Variants in PDE4B observed in about 807,000 individuals in gnomAD.
PDE4B encodes 3',5'-cyclic-AMP phosphodiesterase 4B.
PDE4B carries 20 observed loss-of-function variants against 82.2 expected under a neutral mutation model. That is an observed-to-expected ratio of 0.24 (90% confidence interval 0.17 to 0.35). PDE4B has a LOEUF of 0.35. Ranked by LOEUF, PDE4B falls within the 10% of genes least tolerant of loss-of-function variation. The probability of loss-of-function intolerance (pLI) is 1.00; values close to 1 mark genes in which losing one functional copy is unlikely to be tolerated. For synonymous variants in PDE4B, 320 were observed against 318.9 expected, an observed-to-expected ratio of 1.00 and a Z score of -0.04; for missense variants, 655 against 907.2, an observed-to-expected ratio of 0.72 and a Z score of 3.57.
intron 1 of PDE4B, among the ~76,000 whole-genome samples, chr1:65,877,590 G>A (rs1285268773): frequency 1.3e-5 from 2 of 151,578 alleles, no homozygotes; most frequent in African/African-American, 4.9e-5. Context: ...ACCCCAGCCT[G>A]GGCGATAGAG....
chr1:66,288,456 T>C (rs1447996109), intron 7 of PDE4B, among the ~76,000 whole-genome samples: 2 of 152,170 alleles, frequency 1.3e-5, no homozygotes, highest in Non-Finnish European at 2.9e-5. Context: ...ATTAAATGAA[T>C]ATTTGTATAG....
At chr1:65,794,311 T>G (rs1251310717) in intron 1 of PDE4B, among the ~76,000 whole-genome samples, 2 of 152,176 alleles carry the variant, frequency 1.3e-5, no homozygotes, top group Non-Finnish European at 2.9e-5. Context: ...AAAGGCACAT[T>G]AAGCATAAAA....
chr1:66,112,732 C>CG (rs1360458983), intron 3 of PDE4B: 1 of 152,160 alleles, frequency 6.6e-6, no homozygotes, highest in African/African-American at 2.4e-5. Context: ...ATTGCCTCAA[C>CG]ACCTTATCAT....
At chr1:65,882,901 A>T (rs1646725272) in intron 1 of PDE4B, among the ~76,000 whole-genome samples, 1 of 152,222 alleles carries the variant, frequency 6.6e-6, no homozygotes, top group African/African-American at 2.4e-5. Flanking sequence ...TTTAAGACAC[A>T]AATGAACTCA....
chr1:66,240,879 G>T (rs116104505), intron 3 of PDE4B, among the ~76,000 whole-genome samples: 2 of 152,148 alleles, frequency 1.3e-5, no homozygotes, highest in Admixed American at 6.5e-5. Context: ...ACTGAGGTGT[G>T]GGGGGCAGGA....
chr1:65,806,774 A>C (rs1054451883), intron 1 of PDE4B, among the ~76,000 whole-genome samples: 1 of 152,150 alleles, frequency 6.6e-6, no homozygotes, highest in Non-Finnish European at 1.5e-5. Flanking sequence ...AGGATGCTCC[A>C]TTATTGTTTC....
intron 3 of PDE4B, among the ~76,000 whole-genome samples, chr1:65,932,384 C>T (rs984642937): frequency 1.3e-5 from 2 of 152,048 alleles, no homozygotes; most frequent in East Asian, 1.9e-4. Flanking sequence ...TTGTACCTAG[C>T]ATACTCTAGA....
rs552520758 is a variant in PDE4B, at chr1:65,960,356, G to A, written c.281+41521G>A. On this transcript the variant is annotated intron_variant, in intron 3 of 16. Transcript: ENST00000341517. ...CTGTCGGTGGTGGATATGGAAGATA[G>A]CATTCTATATTAACTTTTGAGAAAG... 5.3e-4 allele frequency among the ~76,000 whole-genome samples: 81 copies of A among 152,218 alleles called. 1 individual carries two copies. The South Asian group carries it at 0.016, about 31-fold the overall frequency.
At chr1:65,899,809 T>G (rs2100417098) in intron 1 of PDE4B, among the ~76,000 whole-genome samples, 1 of 152,016 alleles carries the variant, frequency 6.6e-6, no homozygotes, top group South Asian at 2.1e-4. Context: ...ACGTTCTCAC[T>G]CATAAGCGGG....
At chr1:66,123,393 T>A (rs1381247699) in intron 3 of PDE4B, among the ~76,000 whole-genome samples, 2 of 152,194 alleles carry the variant, frequency 1.3e-5, no homozygotes, top group African/African-American at 4.8e-5. Flanking sequence ...TCATCGGCAC[T>A]TTCAGATTTT....
chr1:66,153,589 C>G (rs1207511245), intron 3 of PDE4B, among the ~76,000 whole-genome samples: 4 of 152,138 alleles, frequency 2.6e-5, no homozygotes, highest in Admixed American at 2.6e-4. Context: ...GTGCCCTGTG[C>G]TGTGCTAGCT....
At chr1:65,910,024 A>G (rs1647072265) in intron 1 of PDE4B, among the ~76,000 whole-genome samples, 1 of 152,232 alleles carries the variant, frequency 6.6e-6, no homozygotes, top group African/African-American at 2.4e-5. Context: ...TTTTAGAACA[A>G]GAATGTTCTG....
At chr1:66,308,448 C>T (rs1007626017) in intron 7 of PDE4B, among the ~76,000 whole-genome samples, 3 of 152,072 alleles carry the variant, frequency 2.0e-5, no homozygotes, top group Admixed American at 2.0e-4. Flanking sequence ...CTACCCAGAC[C>T]AAAAGAACAG....
chr1:66,084,091 T>C (rs1174356625), intron 3 of PDE4B, among the ~76,000 whole-genome samples: 1 of 152,138 alleles, frequency 6.6e-6, no homozygotes, highest in African/African-American at 2.4e-5. Flanking sequence ...AGGGTAAGCC[T>C]TAATTCAATT....
At chr1:66,339,158 C>T (rs1191069324) in intron 8 of PDE4B, among the ~76,000 whole-genome samples, 1 of 152,056 alleles carries the variant, frequency 6.6e-6, no homozygotes, top group Non-Finnish European at 1.5e-5. Context: ...ATTAATGCTT[C>T]AGTAATATGT....
At chr1:66,124,855 T>C (rs1425200222) in intron 3 of PDE4B, among the ~76,000 whole-genome samples, 1 of 152,098 alleles carries the variant, frequency 6.6e-6, no homozygotes, top group Non-Finnish European at 1.5e-5. Context: ...CCCAAAGATA[T>C]GCTCCTTAAG....
At chr1:66,127,743 A>T (rs1361259332) in intron 3 of PDE4B, among the ~76,000 whole-genome samples, 1 of 152,162 alleles carries the variant, frequency 6.6e-6, no homozygotes, top group Non-Finnish European at 1.5e-5. Flanking sequence ...ATTTTCTTTT[A>T]ATTTAGAAAA....
At chr1:66,124,025 C>T (rs962175139) in intron 3 of PDE4B, among the ~76,000 whole-genome samples, 4 of 152,136 alleles carry the variant, frequency 2.6e-5, no homozygotes, top group Non-Finnish European at 5.9e-5. Flanking sequence ...AAAGCAAATG[C>T]AAGGTATTGT....
chr1:66,160,013 C>T (rs546322352), intron 3 of PDE4B, among the ~76,000 whole-genome samples: 1 of 152,298 alleles, frequency 6.6e-6, no homozygotes, highest in South Asian at 2.1e-4. Context: ...TTAATAGGGA[C>T]TTTACATACA....
Sources: allele counts gnomAD v4.1 joint callset (sites outside exome capture counted in the v4.1 genomes callset), GRCh38; gene constraint gnomAD v4.1.1; transcripts MANE v1.5; gene names NCBI Gene and HGNC (gene_info 2026-07-23, HGNC 2026-07-21).